The following TMPRSS2 variants were observed in gnomAD, a reference collection of about 807,000 sequenced individuals.
The protein encoded by TMPRSS2 is transmembrane serine protease 2, also known as transmembrane protease serine 2.
TMPRSS2 carries 59 observed loss-of-function variants against 67.4 expected under a neutral mutation model. The ratio of observed to expected loss-of-function variants is 0.88; its 90% CI spans 0.71 to 1.09. The LOEUF (loss-of-function observed/expected upper bound fraction) is 1.09. Ranked by LOEUF, TMPRSS2 falls within the 50% of genes least tolerant of loss-of-function variation. The pLI, the probability that TMPRSS2 is intolerant of heterozygous loss-of-function variation, is 0.00. For synonymous variants in TMPRSS2, 257 were observed against 257.0 expected (o/e 1.00, Z 0.00); for missense variants, 668 against 642.7 (o/e 1.04, Z -0.43).
At chr21:41,476,740 G>T in intron 7 of TMPRSS2, 120 bp from the exon 8 acceptor site, 1 of 901,126 alleles carries the variant, frequency 1.1e-6, no homozygotes, top group Non-Finnish European at 1.8e-6. Context: ...ACATAGAAGG[G>T]TCTGCTAGTT....
intron 1 of TMPRSS2, among the ~76,000 whole-genome samples, chr21:41,499,163 A>T (rs189570078): frequency 6.6e-6 from 1 of 152,222 alleles, no homozygotes; most frequent in East Asian, 1.9e-4. Flanking sequence ...AAACCCAAAA[A>T]AGAAAGAAAT....
chr21:41,466,483 A>C (rs1467318499), intron 13 of TMPRSS2, among the ~76,000 whole-genome samples: 1 of 152,150 alleles, frequency 6.6e-6, no homozygotes, highest in Non-Finnish European at 1.5e-5. Context: ...CGCCAAACAC[A>C]CCTGGATCAT....
intron 1 of TMPRSS2, among the ~76,000 whole-genome samples, chr21:41,502,843 C>T (rs2091433053): frequency 6.6e-6 from 1 of 152,166 alleles, no homozygotes; most frequent in Non-Finnish European, 1.5e-5. Context: ...GACTCATTGT[C>T]CCAAAGAGAT....
Position 41,508,137 on chromosome 21 carries a change from CCTGCTTAGCTCG to C in TMPRSS2, c.-125_-114del. The C allele has an allele frequency of 1.1e-6, 1 of 874,028 alleles. No individual in the cohort carries two copies. Among genetic ancestry groups the C allele is most frequent in the Non-Finnish European group, 1.6e-6 (1 of 641,428 alleles). The allele number at this position is 874,028 out of a possible 1,614,324, so 54.1% of individuals were successfully genotyped here. ...TCGCCCTCCGCCTCCGCCTCCGCCT[CCTGCTTAGCTCG>C]CGCCTACTCGGCCCGGCCCGCCCTG... On this transcript the variant is annotated 5_prime_UTR_variant, in exon 1 of 14. Transcript: ENST00000332149.
Position 41,466,026 on chromosome 21 carries a change from T to C in TMPRSS2, c.*116A>G. 7.6e-7 allele frequency: 1 copy of C among 1,311,624 alleles called. No homozygotes were observed. The highest frequency in any genetic ancestry group is 1.3e-5 in the South Asian group (1 of 79,828). 81.2% of individuals were successfully genotyped at this position (1,311,624 alleles called of 1,614,324 possible). Reference sequence around the variant, plus strand: ...GTGCCAAAGCCAGACAAGTTCACTGTTTAATAAAAATGAAGTGACCTCTGA... The same window carrying C: ...GTGCCAAAGCCAGACAAGTTCACTGCTTAATAAAAATGAAGTGACCTCTGA... On this transcript the variant is annotated 3_prime_UTR_variant, in exon 14 of 14. Transcript: ENST00000332149.
chr21:41,487,806 A>T lies in TMPRSS2; in HGVS notation c.445+588T>A, dbSNP rs147063811. On this transcript the variant is annotated intron_variant, in intron 5 of 13. Transcript: ENST00000332149. ...TCTCCAATTTTGTTTTTAATTAATT[A>T]ATTTATTTTTTGAGCCAGCTCTGTC... The T allele has an allele frequency of 2.6e-5, 4 of 152,200 alleles. No homozygotes were observed. The East Asian group carries it at 5.8e-4, about 22-fold the overall frequency. The allele number at this position is 152,200 out of a possible 1,614,324, so 9.4% of individuals were successfully genotyped here.
At chr21:41,475,430 G>A (rs144536067) in intron 8 of TMPRSS2, among the ~76,000 whole-genome samples, 32 of 64,866 alleles carry the variant, frequency 4.9e-4, no homozygotes, top group Non-Finnish European at 8.3e-4. Context: ...GTGAGTGGAT[G>A]AAGGGGTGAG....
intron 5 of TMPRSS2, among the ~76,000 whole-genome samples, chr21:41,485,106 G>T (rs2091286555): frequency 6.6e-6 from 1 of 151,604 alleles, no homozygotes; most frequent in Admixed American, 6.6e-5. Flanking sequence ...GTGTGTGTGT[G>T]TGTGTGTGTG....
At chr21:41,501,861 G>A (rs1038209046) in intron 1 of TMPRSS2, among the ~76,000 whole-genome samples, 9 of 152,242 alleles carry the variant, frequency 5.9e-5, no homozygotes, top group African/African-American at 2.2e-4. Context: ...GAGAGACAAT[G>A]CTGTTTAGCG....
At position 41,480,487 on chromosome 21, in the gene TMPRSS2, G is replaced by A. The variant is rs762840890; in HGVS notation, c.561C>T (p.Asp187=). The A allele has an allele frequency of 1.2e-6, 2 of 1,613,490 alleles. No individual in the cohort carries two copies. Among genetic ancestry groups the A allele is most frequent in the African/African-American group, 2.7e-5 (2 of 74,934 alleles). Residue 187 remains aspartate, a synonymous_variant, in exon 6 of 14, where the codon GAC becomes GAT. Coordinates refer to ENST00000332149, the MANE Select transcript of TMPRSS2 (RefSeq NM_005656.4). The part of the protein sequence containing the change: ...NENYGRAACR[D]MGYKNNFYSS... The stretch of plus-strand genomic sequence containing the variant: ...TGCCCCATACTCACTTATAGCCCAT[G>A]TCCCTGCAGGCCGCCCGCCCGTAGT...
In TMPRSS2 at chr21:41,498,610, C is replaced by A. The variant is rs531410451; in HGVS notation, c.-56-421G>T. On this transcript the variant is annotated intron_variant, in intron 1 of 13. Transcript: ENST00000332149. ...GCCCAGGCATCCTGCTGGACTTAAC[C>A]CAGTTCTCACCAGGAAGCTGTGATA... 3.9e-5 allele frequency among the ~76,000 whole-genome samples: 6 copies of A among 152,314 alleles called. No homozygotes were observed. In the South Asian group the frequency reaches 1.2e-3, roughly 32 times the overall value.
At chr21:41,485,696 G>T (rs999033590) in intron 5 of TMPRSS2, among the ~76,000 whole-genome samples, 12 of 151,020 alleles carry the variant, frequency 7.9e-5, no homozygotes, top group African/African-American at 2.7e-4. Context: ...GCCATTCCAC[G>T]TGCTATCTTA....
rs375273077 is a variant in TMPRSS2, at chr21:41,488,479, G to A, written c.360C>T (p.Cys120=). Residue 120 remains cysteine, a synonymous_variant, in exon 5 of 14, where the codon TGC becomes TGT. Coordinates refer to ENST00000332149, the MANE Select transcript of TMPRSS2 (RefSeq NM_005656.4). ...GSKCSNSGIE[C]DSSGTCINPS... The stretch of plus-strand genomic sequence containing the variant: ...GGTTGATGCAGGTACCTGAGGAGTC[G>A]CACTCTATCCCAGAGTTGGAGCACT... 1.1e-5 allele frequency: 18 copies of A among 1,613,490 alleles called. No individual in the cohort carries two copies. The highest frequency in any genetic ancestry group is 5.3e-5 in the African/African-American group (4 of 74,898).
At chr21:41,473,733 C>G (rs903974298) in intron 8 of TMPRSS2, among the ~76,000 whole-genome samples, 2 of 151,436 alleles carry the variant, frequency 1.3e-5, no homozygotes, top group African/African-American at 2.4e-5. Flanking sequence ...CCCATGGGGT[C>G]TCCCGGGACC....
chr21:41,484,763 T>A (rs1052464306), intron 5 of TMPRSS2, among the ~76,000 whole-genome samples: 7 of 152,050 alleles, frequency 4.6e-5, no homozygotes, highest in African/African-American at 1.7e-4. Flanking sequence ...GAGCAGTGTG[T>A]GTTACAGCAA....
chr21:41,476,465 T>C (rs1483689378), intron 8 of TMPRSS2, 112 bp downstream of exon 8: 1 of 1,099,628 alleles, frequency 9.1e-7, no homozygotes, highest in Non-Finnish European at 1.4e-6. Context: ...TTCCAACCCG[T>C]GACCCCACCT....
chr21:41,475,708 G>A, intron 8 of TMPRSS2, among the ~76,000 whole-genome samples: 1 of 107,258 alleles, frequency 9.3e-6, no homozygotes. Flanking sequence ...GGTGGTGAAT[G>A]AGAGGTTGAG....
rs112657409 is a variant in TMPRSS2, at chr21:41,464,745, C to T, written c.*1397G>A. The T allele has an allele frequency of 0.025, 5,806 of 233,266 alleles. 264 individuals carry two copies. Among genetic ancestry groups the T allele is most frequent in the African/African-American group, 0.093 (4,231 of 45,444 alleles). The allele number at this position is 233,266 out of a possible 1,614,324, so 14.4% of individuals were successfully genotyped here. A position where few individuals can be genotyped will look rare whatever the true frequency, so the allele number is the denominator to read the frequency against. On this transcript the variant is annotated 3_prime_UTR_variant, in exon 14 of 14. Coordinates refer to ENST00000332149, the MANE Select transcript of TMPRSS2 (RefSeq NM_005656.4). The stretch of plus-strand genomic sequence containing the variant: ...CTTGGGGAGCAAGCACCTTACAGTG[C>T]CAACTGTTTCCAAGGTCCCTGGGAA...
chr21:41,494,635 A>C, intron 2 of TMPRSS2, 57 bp from the exon 3 acceptor site: 1 of 1,452,748 alleles, frequency 6.9e-7, no homozygotes, highest in Non-Finnish European at 9.6e-7. Flanking sequence ...CTAAAGGGTT[A>C]CATACAAACT....
Sources: gnomAD v4.1 joint callset for allele counts (sites outside exome capture counted in the v4.1 genomes callset) on GRCh38, gnomAD v4.1.1 for gene constraint, MANE v1.5 for transcripts, NCBI Gene and HGNC (gene_info 2026-07-23, HGNC 2026-07-21) for gene names.